The following DPYD variants were observed in gnomAD, a reference collection of about 807,000 sequenced individuals.
DPYD encodes dihydropyrimidine dehydrogenase [NADP(+)].
A neutral mutation model predicts 116.2 loss-of-function variants in DPYD; 109 were observed. The ratio of observed to expected loss-of-function variants is 0.94; its 90% CI spans 0.80 to 1.10. DPYD has a LOEUF of 1.10. Ranked by LOEUF, DPYD falls within the 50% of genes least tolerant of loss-of-function variation. The pLI is 0.00. For missense variants in DPYD, 1,302 were observed against 1,254.5 expected, an observed-to-expected ratio of 1.04 and a Z score of -0.57; for synonymous variants, 440 against 432.0, an observed-to-expected ratio of 1.02 and a Z score of -0.23.
chr1:97,599,132 T>C (rs865923039), intron 8 of DPYD, among the ~76,000 whole-genome samples: 24 of 152,332 alleles, frequency 1.6e-4, no homozygotes, highest in African/African-American at 5.5e-4. Flanking sequence ...CTTGTCAGCA[T>C]TTTTGTTTTG....
chr1:97,335,125 G>A (rs1490890022), intron 16 of DPYD, among the ~76,000 whole-genome samples: 1 of 152,114 alleles, frequency 6.6e-6, no homozygotes, highest in Non-Finnish European at 1.5e-5. Context: ...TTTGCTGTCA[G>A]CTTTTGTAGA....
At chr1:97,665,008 A>C (rs1421781288) in intron 8 of DPYD, among the ~76,000 whole-genome samples, 1 of 152,148 alleles carries the variant, frequency 6.6e-6, no homozygotes, top group Non-Finnish European at 1.5e-5. Context: ...TCACAGATGG[A>C]TCAATCACTA....
At chr1:97,626,402 G>A (rs955006140) in intron 8 of DPYD, among the ~76,000 whole-genome samples, 17 of 151,832 alleles carry the variant, frequency 1.1e-4, no homozygotes, top group African/African-American at 4.1e-4. Context: ...TAAATTGGAA[G>A]TAAATATTTC....
chr1:97,886,497 A>G (rs4970722), intron 1 of DPYD, among the ~76,000 whole-genome samples: 1 of 151,870 alleles, frequency 6.6e-6, no homozygotes, highest in African/African-American at 2.4e-5. Flanking sequence ...CTGGGTAGAG[A>G]TTGCACACAA....
chr1:97,408,591 T>G (rs1253277387), intron 14 of DPYD, among the ~76,000 whole-genome samples: 3 of 152,128 alleles, frequency 2.0e-5, no homozygotes, highest in African/African-American at 7.2e-5. Context: ...TGGGTTCATG[T>G]TGACAAGGGG....
intron 13 of DPYD, among the ~76,000 whole-genome samples, chr1:97,466,747 C>T (rs2101838775): frequency 6.6e-6 from 1 of 152,258 alleles, no homozygotes; most frequent in Middle Eastern, 3.4e-3. Flanking sequence ...CACAAGGCAT[C>T]TAAGCATATT....
At chr1:97,687,432 C>G (rs746390593) in intron 7 of DPYD, among the ~76,000 whole-genome samples, 1 of 152,004 alleles carries the variant, frequency 6.6e-6, no homozygotes, top group Non-Finnish European at 1.5e-5. Context: ...AATGAGATAC[C>G]ATTTCACACC....
intron 18 of DPYD, among the ~76,000 whole-genome samples, chr1:97,275,786 C>A (rs1664893857): frequency 6.6e-6 from 1 of 152,068 alleles, no homozygotes; most frequent in South Asian, 2.1e-4. Context: ...TCCTTCAGTT[C>A]TTTTCCATGA....
chr1:97,510,094 A>AAAAC (rs768870244), intron 13 of DPYD, among the ~76,000 whole-genome samples: 3 of 151,810 alleles, frequency 2.0e-5, no homozygotes, highest in East Asian at 1.9e-4. Context: ...AGCCATTTAC[A>AAAAC]AAACAAACAA....
Position 97,594,853 on chromosome 1 carries a change from G to A in DPYD, c.958+206C>T, listed in dbSNP as rs957152565. The stretch of plus-strand genomic sequence containing the variant: ...ATATATTACAGTGAAAATTCCTTAC[G>A]ATGATACTTTATTGGAAGAATGAAC... On this transcript the variant is annotated intron_variant, in intron 9 of 22. Coordinates refer to ENST00000370192, the MANE Select transcript of DPYD (RefSeq NM_000110.4). Among the ~76,000 whole-genome samples the A allele has an allele frequency of 4.0e-5, 6 of 151,828 alleles. No homozygotes were observed. The East Asian group carries it at 7.7e-4, about 20-fold the overall frequency.
chr1:97,471,280 G>A (rs1198810012), intron 13 of DPYD, among the ~76,000 whole-genome samples: 1 of 151,994 alleles, frequency 6.6e-6, no homozygotes, highest in African/African-American at 2.4e-5. Context: ...AAACAAAGAT[G>A]GGGGTCCCAG....
At chr1:97,134,711 C>T (rs186265769) in intron 20 of DPYD, among the ~76,000 whole-genome samples, 3 of 152,200 alleles carry the variant, frequency 2.0e-5, no homozygotes, top group Admixed American at 6.5e-5. Flanking sequence ...GGTGGTGGCC[C>T]AGTTAGCAGA....
chr1:97,149,681 C>A (rs764279213), intron 20 of DPYD, among the ~76,000 whole-genome samples: 1 of 152,164 alleles, frequency 6.6e-6, no homozygotes, highest in African/African-American at 2.4e-5. Context: ...CCAAGCCTCC[C>A]AGTTTAAAAA....
intron 14 of DPYD, among the ~76,000 whole-genome samples, chr1:97,400,124 T>G (rs1384841287): frequency 6.6e-6 from 1 of 152,318 alleles, no homozygotes; most frequent in South Asian, 2.1e-4. Flanking sequence ...ATATATCCCA[T>G]CAATACCTAA....
Position 97,306,085 on chromosome 1 carries a change from CAT to C in DPYD, c.2179+90_2179+91del, listed in dbSNP as rs377021830. 6.8e-5 allele frequency: 109 copies of C among 1,593,304 alleles called. No homozygotes were observed. In the East Asian group the frequency reaches 1.1e-3, roughly 17 times the overall value. ...TTAAAATTGAGACAAAAAATATGCACATGTTTGTAGGAAAAGACATACTTGAG... is the reference window on the plus strand; with the variant it reads ...TTAAAATTGAGACAAAAAATATGCACGTTTGTAGGAAAAGACATACTTGAG... On this transcript the variant is annotated intron_variant, in intron 17 of 22. Transcript: ENST00000370192.
intron 14 of DPYD, among the ~76,000 whole-genome samples, chr1:97,390,017 C>T (rs1361231044): frequency 6.6e-6 from 1 of 151,988 alleles, no homozygotes; most frequent in Non-Finnish European, 1.5e-5. Context: ...CTTTTAAAAA[C>T]TGAATTTCAT....
chr1:97,383,642 G>A (rs1214042981), intron 14 of DPYD, among the ~76,000 whole-genome samples: 4 of 151,898 alleles, frequency 2.6e-5, no homozygotes, highest in Non-Finnish European at 5.9e-5. Flanking sequence ...AGATGAAGAC[G>A]CCAAGGCAAT....
At chr1:97,510,125 A>C (rs886455527) in intron 13 of DPYD, among the ~76,000 whole-genome samples, 2 of 151,928 alleles carry the variant, frequency 1.3e-5, no homozygotes, top group African/African-American at 4.8e-5. Context: ...ACAAAAAAAA[A>C]AAAACTCAGA....
At chr1:97,167,279 A>T (rs1034228384) in intron 20 of DPYD, among the ~76,000 whole-genome samples, 4 of 152,134 alleles carry the variant, frequency 2.6e-5, no homozygotes, top group Admixed American at 2.0e-4. Flanking sequence ...TACTCTCTCG[A>T]TTTTATTTAG....
Sources: allele counts gnomAD v4.1 joint callset (sites outside exome capture counted in the v4.1 genomes callset), GRCh38; gene constraint gnomAD v4.1.1; transcripts MANE v1.5; gene names NCBI Gene and HGNC (gene_info 2026-07-23, HGNC 2026-07-21).